The following PCDHGB7 variants were observed in gnomAD, a reference collection of about 807,000 sequenced individuals.
PCDHGB7 encodes the protein protocadherin gamma subfamily B, 7, also known as protocadherin gamma-B7.
Under a neutral mutation model 61.4 loss-of-function variants are expected in PCDHGB7, and 37 were observed. That is an observed-to-expected ratio of 0.60 (90% CI 0.46 to 0.79). The LOEUF (loss-of-function observed/expected upper bound fraction) is 0.79, where lower values mean the gene tolerates loss of function less well. Among genes scored for constraint, PCDHGB7 ranks in the 30% least tolerant of loss-of-function variants. The pLI is 0.00. For missense variants in PCDHGB7, 1,166 were observed against 1,202.5 expected (o/e 0.97, Z 0.45); for synonymous variants, 464 against 503.5 (o/e 0.92, Z 1.05).
At chr5:141,464,137 C>T (rs1015442185) in intron 1 of PCDHGB7, among the ~76,000 whole-genome samples, 9 of 151,928 alleles carry the variant, frequency 5.9e-5, no homozygotes, top group Non-Finnish European at 7.4e-5. Context: ...TGGTGGTGGG[C>T]GCCTGTAGTC....
At chr5:141,421,662 G>A (rs2096591243) in intron 1 of PCDHGB7, 3 of 1,613,844 alleles carry the variant, frequency 1.9e-6, no homozygotes, top group South Asian at 1.1e-5. Context: ...AAGTCAGTGA[G>A]CACGCAATTC....
chr5:141,504,380 C>T (rs943816582), intron 2 of PCDHGB7, among the ~76,000 whole-genome samples: 1 of 152,088 alleles, frequency 6.6e-6, no homozygotes, highest in African/African-American at 2.4e-5. Flanking sequence ...GGTGGAGTCG[C>T]TGCCTCACAG....
chr5:141,419,916 C>T lies in PCDHGB7; in HGVS notation c.2057C>T (p.Ala686Val). Residue 686 changes from alanine to valine, a missense_variant, in exon 1 of 4, where the codon GCT becomes GTT. Transcript: ENST00000398594. Reference sequence around the variant, plus strand: ...CATCCCACACCCTCTGACTCCCAGGCTGAGATGCAGTTTTACCTGGTGGTG... The same window carrying T: ...CATCCCACACCCTCTGACTCCCAGGTTGAGATGCAGTTTTACCTGGTGGTG... ...SDHPTPSDSQ[A>V]EMQFYLVVAL... 1 of 1,614,080 alleles carries T rather than the reference C, an allele frequency of 6.2e-7. No individual in the cohort carries two copies. The highest frequency in any genetic ancestry group is 8.5e-7 in the Non-Finnish European group (1 of 1,179,894).
At position 141,511,127 on chromosome 5, in the gene PCDHGB7, G is replaced by C; in HGVS notation, c.2744G>C (p.Gly915Ala). 1 of 1,614,194 alleles carries C rather than the reference G, an allele frequency of 6.2e-7. No individual in the cohort carries two copies. Among genetic ancestry groups the C allele is most frequent in the Non-Finnish European group, 8.5e-7 (1 of 1,180,018 alleles). The change falls in exon 4 of 4, where the codon GGT becomes GCT. Residue 915 changes from glycine to alanine, a missense_variant. Coordinates refer to ENST00000398594, the MANE Select transcript of PCDHGB7 (RefSeq NM_018927.4). ...AGKRDGKAPA[G>A]GNGNKKKSGK... ...AAGCGGGATGGCAAGGCCCCAGCAG[G>C]TGGCAATGGCAACAAGAAGAAGTCG...
At chr5:141,427,922 G>T (rs949317839) in intron 1 of PCDHGB7, 2 of 1,580,624 alleles carry the variant, frequency 1.3e-6, no homozygotes, top group African/African-American at 1.3e-5. Context: ...ACATGAGCCG[G>T]CGCATGTTGG....
In PCDHGB7 at chr5:141,422,911, G is replaced by C. The variant is rs375046528; in HGVS notation, c.2415+2637G>C. ...GCTGGACCAGAACGACAATGCGCCC[G>C]AGATCCTGTACCCTGCCCTCCCCAC... On this transcript the variant is annotated intron_variant, in intron 1 of 3. Transcript: ENST00000398594. 41 of 1,614,236 alleles carry C rather than the reference G, an allele frequency of 2.5e-5. No individual in the cohort carries two copies. Among genetic ancestry groups the C allele is most frequent in the Non-Finnish European group, 3.2e-5 (38 of 1,180,046 alleles).
At chr5:141,506,444 CAAAA>C (rs1219684339) in intron 3 of PCDHGB7, among the ~76,000 whole-genome samples, 5 of 95,022 alleles carry the variant, frequency 5.3e-5, no homozygotes, top group Admixed American at 1.1e-4. Context: ...CGCTCTGTCT[CAAAA>C]AAAAAAAAAA....
In PCDHGB7 at chr5:141,489,104, A is replaced by C; in HGVS notation, c.2416-5703A>C. The stretch of plus-strand genomic sequence containing the variant: ...CCACTCGGTGACTAAGAACTGCTGC[A>C]AGCAGGCAAACCTCCGAGCAGTTTT... On this transcript the variant is annotated intron_variant, in intron 1 of 3. Coordinates refer to ENST00000398594, the MANE Select transcript of PCDHGB7 (RefSeq NM_018927.4). The surrounding 1 kb of genome is among the most constrained non-coding windows in gnomAD (Gnocchi z 4.5). 2.5e-6 allele frequency: 1 copy of C among 405,816 alleles called. No individual in the cohort carries two copies. Among genetic ancestry groups the C allele is most frequent in the Non-Finnish European group, 4.3e-6 (1 of 232,372 alleles). 25.1% of individuals were successfully genotyped at this position (405,816 alleles called of 1,614,324 possible). A position where few individuals can be genotyped will look rare whatever the true frequency, so the allele number is the denominator to read the frequency against.
chr5:141,463,532 T>C (rs1237301892), intron 1 of PCDHGB7, among the ~76,000 whole-genome samples: 2 of 133,692 alleles, frequency 1.5e-5, no homozygotes, highest in Non-Finnish European at 3.1e-5. Flanking sequence ...TACTAGAAAC[T>C]CCGGCTCCCG....
intron 2 of PCDHGB7, among the ~76,000 whole-genome samples, chr5:141,499,796 C>T (rs2099794539): frequency 6.6e-6 from 1 of 150,412 alleles, no homozygotes; most frequent in South Asian, 2.1e-4. Context: ...AAGCAATTCT[C>T]ATGCTTCAGC....
chr5:141,458,464 G>A (rs1035826436), intron 1 of PCDHGB7, among the ~76,000 whole-genome samples: 30 of 152,030 alleles, frequency 2.0e-4, no homozygotes, highest in Admixed American at 9.8e-4. Flanking sequence ...TTAAAATACC[G>A]TACAACTGCA....
In PCDHGB7 at chr5:141,485,869, G is replaced by A; in HGVS notation, c.2416-8938G>A. On this transcript the variant is annotated intron_variant, in intron 1 of 3. Coordinates refer to ENST00000398594, the MANE Select transcript of PCDHGB7 (RefSeq NM_018927.4). The surrounding 1 kb of genome is among the most constrained non-coding windows in gnomAD (Gnocchi z 5.7). ...GCACCGCAGAGCTCCGGGTATCCGT[G>A]CTGGACGTAAACGACAACGCCCCAG... is the stretch of plus-strand genomic sequence containing the variant. 1 of 1,614,176 alleles carries A rather than the reference G, an allele frequency of 6.2e-7. No individual in the cohort carries two copies. The highest frequency in any genetic ancestry group is 8.5e-7 in the Non-Finnish European group (1 of 1,180,040).
chr5:141,452,848 G>A (rs1425590240), intron 1 of PCDHGB7, among the ~76,000 whole-genome samples: 9 of 152,128 alleles, frequency 5.9e-5, no homozygotes, highest in Non-Finnish European at 1.0e-4. Flanking sequence ...CCCACACTCT[G>A]GGGAGATGAT....
At chr5:141,461,951 G>C (rs1419637040) in intron 1 of PCDHGB7, among the ~76,000 whole-genome samples, 1 of 152,186 alleles carries the variant, frequency 6.6e-6, no homozygotes, top group African/African-American at 2.4e-5. Context: ...AACCTCCTGA[G>C]TAGCTGGGAT....
chr5:141,492,908 A>G (rs1595151443), intron 1 of PCDHGB7, among the ~76,000 whole-genome samples: 2 of 152,302 alleles, frequency 1.3e-5, no homozygotes, highest in African/African-American at 4.8e-5. Context: ...TCGTGATCAC[A>G]ATGTGCCCAG....
chr5:141,450,633 C>T (rs751572851), intron 1 of PCDHGB7, among the ~76,000 whole-genome samples: 2 of 149,416 alleles, frequency 1.3e-5, no homozygotes, highest in East Asian at 2.0e-4. Flanking sequence ...ATTACAGATG[C>T]CTGCCACCAT....
intron 2 of PCDHGB7, among the ~76,000 whole-genome samples, chr5:141,496,347 T>C (rs1168306693): frequency 6.6e-6 from 1 of 152,198 alleles, no homozygotes; most frequent in Non-Finnish European, 1.5e-5. Context: ...TGGAGGAGTC[T>C]CAGAGCCCAG....
chr5:141,487,667 A>G lies in PCDHGB7; in HGVS notation c.2416-7140A>G, dbSNP rs2099657916. ...GCTTGAGGGTTATTCTGATCCAGGC[A>G]TATGGCTAGGCCATGTCCTAGAGAG... On this transcript the variant is annotated intron_variant, in intron 1 of 3. Transcript: ENST00000398594. This position sits in a 1 kb window ranked among gnomAD's most constrained non-coding sequence, Gnocchi z 5.0. 6.2e-7 allele frequency: 1 copy of G among 1,612,782 alleles called. No individual in the cohort carries two copies. The highest frequency in any genetic ancestry group is 1.1e-5 in the South Asian group (1 of 90,692).
At chr5:141,442,417 T>A (rs2098323611) in intron 1 of PCDHGB7, 1 of 152,152 alleles carries the variant, frequency 6.6e-6, no homozygotes, top group Non-Finnish European at 1.5e-5. Flanking sequence ...TGAGTGAACT[T>A]CTTTTTTGAA....
Sources: allele counts gnomAD v4.1 joint callset (sites outside exome capture counted in the v4.1 genomes callset), GRCh38; gene constraint gnomAD v4.1.1; non-coding constraint Gnocchi (gnomAD v3.1); transcripts MANE v1.5; gene names NCBI Gene and HGNC (gene_info 2026-07-23, HGNC 2026-07-21).